Variants in KCNAB1 observed in about 807,000 individuals in gnomAD.
The protein encoded by KCNAB1 is potassium voltage-gated channel subfamily A regulatory beta subunit 1, also known as voltage-gated potassium channel subunit beta-1.
A neutral mutation model predicts 64.6 loss-of-function variants in KCNAB1; 35 were observed. The ratio of observed to expected loss-of-function variants is 0.54; its 90% CI spans 0.41 to 0.72. The LOEUF is 0.72. Among genes scored for constraint, KCNAB1 ranks in the 30% least tolerant of loss-of-function variants. The pLI is 0.00. For missense variants in KCNAB1, 401 were observed against 512.9 expected (o/e 0.78, Z 2.11); for synonymous variants, 177 against 183.8 (o/e 0.96, Z 0.30).
At chr3:156,277,980 A>G (rs1719442928) in intron 1 of KCNAB1, among the ~76,000 whole-genome samples, 1 of 152,182 alleles carries the variant, frequency 6.6e-6, no homozygotes, top group South Asian at 2.1e-4. Context: ...ATTTCATTTT[A>G]CCTGTGATGA....
chr3:156,519,827 A>G lies in KCNAB1; in HGVS notation c.960+3463A>G, dbSNP rs558810398. Among the ~76,000 whole-genome samples the G allele has an allele frequency of 1.3e-3, 203 of 152,324 alleles. 6 individuals are homozygous for G. The highest frequency in any genetic ancestry group is 0.013 in the Admixed American group (202 of 15,310). On this transcript the variant is annotated intron_variant, in intron 11 of 13. Coordinates refer to ENST00000490337, the MANE Select transcript of KCNAB1 (RefSeq NM_172160.3). ...AAGGCATGTAACCTAAGATAAAAGC[A>G]ATCTTTTCTTTACCAACTTCAGTCC...
At chr3:156,371,799 A>T (rs1726324700) in intron 1 of KCNAB1, among the ~76,000 whole-genome samples, 1 of 152,184 alleles carries the variant, frequency 6.6e-6, no homozygotes, top group Non-Finnish European at 1.5e-5. Context: ...GGTCAGTCTA[A>T]CTCTGCATGT....
chr3:156,230,955 T>C (rs905123249), intron 1 of KCNAB1, among the ~76,000 whole-genome samples: 4 of 152,240 alleles, frequency 2.6e-5, no homozygotes, highest in African/African-American at 9.6e-5. Context: ...CCTCCCTCTT[T>C]TCCCTCTTCT....
intron 12 of KCNAB1, among the ~76,000 whole-genome samples, chr3:156,528,171 AG>A (rs1383132738): frequency 1.5e-5 from 1 of 67,034 alleles, no homozygotes; most frequent in East Asian, 3.2e-4. Context: ...CAAATAATGC[AG>A]TCAAAAAAAA....
chr3:156,473,283 A>C (rs995851526), intron 7 of KCNAB1, among the ~76,000 whole-genome samples: 1 of 152,188 alleles, frequency 6.6e-6, no homozygotes, highest in African/African-American at 2.4e-5. Flanking sequence ...ATTGAGTCTC[A>C]AAGAAAGGTC....
At chr3:156,140,277 G>C (rs1333183634) in intron 1 of KCNAB1, among the ~76,000 whole-genome samples, 1 of 152,160 alleles carries the variant, frequency 6.6e-6, no homozygotes, top group African/African-American at 2.4e-5. Context: ...TATGGTGGTA[G>C]TAAGATAATG....
intron 1 of KCNAB1, among the ~76,000 whole-genome samples, chr3:156,336,766 G>A (rs919520475): frequency 1.3e-5 from 2 of 152,336 alleles, no homozygotes; most frequent in Non-Finnish European, 2.9e-5. Context: ...ACCCACTTGG[G>A]CAGCCCAGTT....
At chr3:156,188,658 A>G (rs1396434983) in intron 1 of KCNAB1, among the ~76,000 whole-genome samples, 1 of 152,210 alleles carries the variant, frequency 6.6e-6, no homozygotes, top group Non-Finnish European at 1.5e-5. Flanking sequence ...AAAAATTTAT[A>G]TTGTGGGACA....
chr3:156,391,451 C>T (rs1281304625), intron 1 of KCNAB1, among the ~76,000 whole-genome samples: 2 of 152,118 alleles, frequency 1.3e-5, no homozygotes, highest in African/African-American at 2.4e-5. Flanking sequence ...TTTAGCAGAA[C>T]TCAGAAAAGA....
chr3:156,277,596 A>G (rs1478432207), intron 1 of KCNAB1, among the ~76,000 whole-genome samples: 2 of 152,146 alleles, frequency 1.3e-5, no homozygotes, highest in Non-Finnish European at 1.5e-5. Flanking sequence ...TAAGGGCTAA[A>G]TAATATTCTA....
intron 1 of KCNAB1, among the ~76,000 whole-genome samples, chr3:156,410,292 C>T (rs112830039): frequency 0.015 from 2,324 of 152,196 alleles, 27 homozygotes; most frequent in South Asian, 0.033. Context: ...AGGTAGAGTA[C>T]CGTGTTTGTG....
chr3:156,175,824 G>T (rs1403232826), intron 1 of KCNAB1: 2 of 634,698 alleles, frequency 3.2e-6, no homozygotes, highest in Non-Finnish European at 3.0e-6. Flanking sequence ...GCAGTCTGAG[G>T]TCTCAAAGAC....
intron 1 of KCNAB1, among the ~76,000 whole-genome samples, chr3:156,331,050 T>C (rs766289985): frequency 2.0e-5 from 3 of 152,304 alleles, no homozygotes; most frequent in African/African-American, 7.2e-5. Flanking sequence ...GAAGAGGTTC[T>C]TGTGGGCAGG....
intron 1 of KCNAB1, among the ~76,000 whole-genome samples, chr3:156,238,294 C>T (rs891907120): frequency 3.3e-5 from 5 of 151,762 alleles, no homozygotes; most frequent in African/African-American, 4.8e-5. Context: ...TGGTGGTGGG[C>T]GCCTGTAGTC....
At chr3:156,415,970 G>A (rs936199570) in intron 1 of KCNAB1, among the ~76,000 whole-genome samples, 6 of 152,030 alleles carry the variant, frequency 3.9e-5, no homozygotes, top group African/African-American at 1.5e-4. Context: ...ACTCTACTTC[G>A]GTGAAAAGCA....
At chr3:156,515,029 A>T in intron 9 of KCNAB1, 71 bp from the exon 10 acceptor site, 4 of 1,426,418 alleles carry the variant, frequency 2.8e-6, no homozygotes, top group Non-Finnish European at 2.8e-6. Flanking sequence ...AACATTTCTC[A>T]TGCATACAAA....
intron 5 of KCNAB1, 51 bp downstream of exon 5, chr3:156,459,922 C>A: frequency 7.4e-7 from 1 of 1,347,770 alleles, no homozygotes; most frequent in Non-Finnish European, 1.0e-6. Flanking sequence ...TATTTTGCAC[C>A]AGAGAAGGAA....
intron 1 of KCNAB1, among the ~76,000 whole-genome samples, chr3:156,232,471 A>C (rs180922619): frequency 2.0e-5 from 3 of 152,236 alleles, no homozygotes; most frequent in Non-Finnish European, 4.4e-5. Context: ...CAGGCCAATT[A>C]GTTTCTTGTT....
chr3:156,207,617 G>A (rs560150685), intron 1 of KCNAB1, among the ~76,000 whole-genome samples: 5 of 152,222 alleles, frequency 3.3e-5, no homozygotes, highest in South Asian at 4.1e-4. Flanking sequence ...CTTTTATGCC[G>A]CTACATGAAA....
Sources: gnomAD v4.1 joint callset for allele counts (sites outside exome capture counted in the v4.1 genomes callset) on GRCh38, gnomAD v4.1.1 for gene constraint, MANE v1.5 for transcripts, NCBI Gene and HGNC (gene_info 2026-07-23, HGNC 2026-07-21) for gene names.